Variants in NARF observed in about 807,000 individuals in gnomAD.
NARF encodes the protein iron-only hydrogenase-like protein 2.
In NARF, 41 loss-of-function variants were observed where a neutral mutation model predicts 48.0. That is an observed-to-expected ratio of 0.85 (90% confidence interval 0.66 to 1.11). The LOEUF is 1.11. Ranked by LOEUF, NARF falls within the 50% of genes least tolerant of loss-of-function variation. The pLI, the probability that NARF is intolerant of heterozygous loss-of-function variation, is 0.00. For missense variants in NARF, 613 were observed against 590.2 expected, an observed-to-expected ratio of 1.04 and a Z score of -0.40; for synonymous variants, 215 against 225.5, an observed-to-expected ratio of 0.95 and a Z score of 0.42.
chr17:82,487,797 C>CCA, intron 10 of NARF, 119 bp from the exon 11 acceptor site: 1 of 505,672 alleles, frequency 2.0e-6, no homozygotes, highest in Non-Finnish European at 3.4e-6. Context: ...CCAATCTCTA[C>CCA]AAAAAATTTA....
chr17:82,475,739 GC>G (rs2043818346), intron 5 of NARF, among the ~76,000 whole-genome samples: 1 of 152,166 alleles, frequency 6.6e-6, no homozygotes, highest in African/African-American at 2.4e-5. Context: ...ACCTCTCAGG[GC>G]CCCTACCTAG....
At chr17:82,458,569 G>C, upstream of NARF, 3 of 485,692 alleles carry the variant, frequency 6.2e-6, no homozygotes, top group Non-Finnish European at 1.0e-5. Context: ...GGCCTGGCCC[G>C]CCCCTTCCCG....
At chr17:82,484,662 G>T in intron 8 of NARF, 151 bp from the exon 9 acceptor site, 2 of 921,956 alleles carry the variant, frequency 2.2e-6, no homozygotes, top group African/African-American at 1.7e-5. Context: ...ATGCTAGAAT[G>T]GGACTTTCTG....
intron 6 of NARF, 179 bp downstream of exon 6, chr17:82,479,097 T>G: frequency 1.9e-6 from 1 of 535,796 alleles, no homozygotes; most frequent in Non-Finnish European, 3.3e-6. Flanking sequence ...CCCGTCTCTA[T>G]TCCTCCCTTC....
At chr17:82,485,193 G>T (rs979439543) in intron 9 of NARF, among the ~76,000 whole-genome samples, 4 of 152,162 alleles carry the variant, frequency 2.6e-5, no homozygotes, top group African/African-American at 7.2e-5. Flanking sequence ...AGGCCGAGGC[G>T]GGCGGATCAT....
chr17:82,472,631 C>A lies in NARF; in HGVS notation c.453C>A (p.Phe151Leu), dbSNP rs777441099. 1.2e-6 allele frequency: 2 copies of A among 1,613,940 alleles called. No homozygotes were observed. The highest frequency in any genetic ancestry group is 1.7e-6 in the Non-Finnish European group (2 of 1,179,936). The change falls in exon 5 of 11, where the codon TTC becomes TTA. Residue 151 changes from phenylalanine (F) to leucine (L), a missense_variant. By Grantham distance (22) the Phe-to-Leu change is conservative (BLOSUM62 0). Transcript: ENST00000309794. Reference protein sequence around the residue: ...DFSILESQKEFVRRYRQHSEE... With the variant: ...DFSILESQKELVRRYRQHSEE... Reference sequence around the variant, plus strand: ...GTATCCTGGAGAGTCAAAAAGAATTCGTGCGTCGCTATCGCCAGCACAGTG... The same window carrying A: ...GTATCCTGGAGAGTCAAAAAGAATTAGTGCGTCGCTATCGCCAGCACAGTG...
intron 3 of NARF, among the ~76,000 whole-genome samples, chr17:82,466,146 T>C (rs2043561280): frequency 6.6e-6 from 1 of 152,206 alleles, no homozygotes; most frequent in African/African-American, 2.4e-5. Context: ...TGCAGACTAC[T>C]AGAGACTTAA....
intron 8 of NARF, 25 bp downstream of exon 8, chr17:82,483,804 C>T: frequency 6.2e-7 from 1 of 1,610,280 alleles, no homozygotes; most frequent in Non-Finnish European, 8.5e-7. Flanking sequence ...TGGGGAGAGT[C>T]CTCTGGGGGG....
chr17:82,464,147 A>C, intron 2 of NARF, 140 bp from the exon 3 acceptor site: 1 of 1,131,220 alleles, frequency 8.8e-7, no homozygotes, highest in South Asian at 1.5e-5. Flanking sequence ...TCCTGCTTCC[A>C]GCCCCTTGAG....
At position 82,488,302 on chromosome 17, in the gene NARF, C is replaced by T. The variant is rs2044144683; in HGVS notation, c.*145C>T. On this transcript the variant is annotated 3_prime_UTR_variant, in exon 11 of 11. Coordinates refer to ENST00000309794, the MANE Select transcript of NARF (RefSeq NM_012336.4). Reference sequence around the variant, plus strand: ...TTGGTTTCTCCGAGTTCCCTGCTACCCCGTTTATTGGAGGCCCCTCAGGCA... The same window carrying T: ...TTGGTTTCTCCGAGTTCCCTGCTACTCCGTTTATTGGAGGCCCCTCAGGCA... 2 of 1,307,196 alleles carry T rather than the reference C, an allele frequency of 1.5e-6. No individual in the cohort carries two copies. Among genetic ancestry groups the T allele is most frequent in the Non-Finnish European group, 2.0e-6 (2 of 980,760 alleles). The allele number at this position is 1,307,196 out of a possible 1,614,324, so 81.0% of individuals were successfully genotyped here. A position where few individuals can be genotyped will look rare whatever the true frequency, so the allele number is the denominator to read the frequency against.
chr17:82,488,117 G>T lies in NARF; in HGVS notation c.1331G>T (p.Ser444Ile), dbSNP rs1375293208. ...GAGGTGCTGCATACCACGTACCAGA[G>T]CCAGGAGCGTGGCACACACAGCCTG... ...AREVLHTTYQ[S>I]QERGTHSLDI... Residue 444 changes from serine to isoleucine, a missense_variant, in exon 11 of 11, where the codon AGC becomes ATC. Ser to Ile is a moderately radical substitution (Grantham distance 142, BLOSUM62 -2). Coordinates refer to ENST00000309794, the MANE Select transcript of NARF (RefSeq NM_012336.4). The T allele has an allele frequency of 1.2e-6, 2 of 1,614,048 alleles. No homozygotes were observed. Among genetic ancestry groups the T allele is most frequent in the Non-Finnish European group, 1.7e-6 (2 of 1,180,038 alleles).
rs372335310 is a variant in NARF at position 82,487,993 on chromosome 17, A to G, written c.1207A>G (p.Ile403Val). 6 of 1,614,208 alleles carry G rather than the reference A, an allele frequency of 3.7e-6. No individual in the cohort carries two copies. In the East Asian group the frequency reaches 8.9e-5, roughly 24 times the overall value. ...DKALLRQMEG[I>V]YADIPVRRPE... ...GGCCCTGCTGCGGCAGATGGAAGGC[A>G]TTTACGCTGACATCCCTGTGCGGCG... is the stretch of plus-strand genomic sequence containing the variant. The change falls in exon 11 of 11, where the codon ATT (isoleucine) becomes GTT (valine). Residue 403 changes from isoleucine to valine, a missense_variant. Physicochemically the swap from Ile to Val is conservative, Grantham distance 29. Transcript: ENST00000309794.
chr17:82,484,439 A>C (rs932527278), intron 8 of NARF: 4 of 171,724 alleles, frequency 2.3e-5, no homozygotes, highest in African/African-American at 9.5e-5. Flanking sequence ...AGGCTGAGGT[A>C]GGAGGATCAC....
chr17:82,472,740 AAGAGGTTTCACAAGATTC>A, intron 5 of NARF, 42 bp downstream of exon 5: 1 of 1,585,986 alleles, frequency 6.3e-7, no homozygotes, highest in Non-Finnish European at 8.6e-7. Context: ...GAGGTGCCAA[AAGAGGTTTCACAAGATTC>A]TGCAGGCTCT....
At chr17:82,459,284 A>G (rs759237406) in intron 1 of NARF, 102 of 648,012 alleles carry the variant, frequency 1.6e-4, no homozygotes, top group Non-Finnish European at 1.9e-4. Flanking sequence ...GGCCATGGCA[A>G]CAACCGCGCA....
At chr17:82,459,653 T>C (rs917776792) in intron 1 of NARF, among the ~76,000 whole-genome samples, 3 of 152,158 alleles carry the variant, frequency 2.0e-5, no homozygotes, top group Non-Finnish European at 4.4e-5. Context: ...GTGGATCACC[T>C]GAGGTCAGCA....
chr17:82,469,380 T>C (rs1298518843), intron 4 of NARF, among the ~76,000 whole-genome samples: 1 of 152,184 alleles, frequency 6.6e-6, no homozygotes, highest in Non-Finnish European at 1.5e-5. Flanking sequence ...AAGAATATAA[T>C]AAAAGAACTC....
intron 1 of NARF, 53 bp downstream of exon 1, chr17:82,458,883 C>T (rs2043355092): frequency 3.0e-6 from 4 of 1,324,286 alleles, no homozygotes; most frequent in Non-Finnish European, 3.9e-6. Context: ...CTGTGGGGCT[C>T]TGGGCGGCCG....
chr17:82,458,245 C>G (rs2043333162), upstream of NARF: 1 of 152,634 alleles, frequency 6.6e-6, no homozygotes, highest in Non-Finnish European at 1.5e-5. Context: ...GAGGGCTGTG[C>G]CCCCGGCCCG....
Sources: allele counts gnomAD v4.1 joint callset (sites outside exome capture counted in the v4.1 genomes callset), GRCh38; gene constraint gnomAD v4.1.1; transcripts MANE v1.5; gene names NCBI Gene and HGNC (gene_info 2026-07-23, HGNC 2026-07-21).